DLG2: variants seen among roughly 807,000 people sequenced by gnomAD.
DLG2 encodes the protein discs large MAGUK scaffold protein 2, also known as disks large homolog 2.
A neutral mutation model predicts 132.5 loss-of-function variants in DLG2; 45 were observed. The observed-to-expected ratio is 0.34, with a 90% CI of 0.27 to 0.44. The LOEUF is 0.44. Among genes scored for constraint, DLG2 ranks in the 20% least tolerant of loss-of-function variants. The pLI, the probability that DLG2 is intolerant of heterozygous loss-of-function variation, is 1.00. For missense variants in DLG2, 1,045 were observed against 1,196.9 expected, an observed-to-expected ratio of 0.87 and a Z score of 1.87; for synonymous variants, 424 against 419.6, an observed-to-expected ratio of 1.01 and a Z score of -0.13.
intron 17 of DLG2, among the ~76,000 whole-genome samples, chr11:83,831,540 G>C (rs1414061941): frequency 1.3e-5 from 2 of 152,116 alleles, no homozygotes; most frequent in Non-Finnish European, 2.9e-5. Context: ...GTCAGAGAGA[G>C]AGAGAGAGAG....
At chr11:84,824,189 C>A (rs2078051859) in intron 6 of DLG2, among the ~76,000 whole-genome samples, 1 of 151,884 alleles carries the variant, frequency 6.6e-6, no homozygotes. Flanking sequence ...GCAAGAGAAA[C>A]ACTAACTTCA....
intron 8 of DLG2, among the ~76,000 whole-genome samples, chr11:84,189,891 G>T (rs1377242892): frequency 6.6e-6 from 1 of 151,968 alleles, no homozygotes; most frequent in Non-Finnish European, 1.5e-5. Context: ...ATACCTAGGT[G>T]ATGGGATGAT....
intron 6 of DLG2, among the ~76,000 whole-genome samples, chr11:84,903,343 A>G (rs1028564775): frequency 6.6e-6 from 1 of 152,176 alleles, no homozygotes; most frequent in African/African-American, 2.4e-5. Flanking sequence ...TAACTAACAG[A>G]TATCTCCTAC....
intron 3 of DLG2, among the ~76,000 whole-genome samples, chr11:85,562,622 A>G (rs554361418): frequency 6.6e-6 from 1 of 151,760 alleles, no homozygotes; most frequent in African/African-American, 2.4e-5. Context: ...ACAGTCTAGT[A>G]TTCTATTGTT....
chr11:84,224,700 T>C (rs1487482253), intron 8 of DLG2, among the ~76,000 whole-genome samples: 2 of 152,214 alleles, frequency 1.3e-5, no homozygotes, highest in Admixed American at 6.5e-5. Flanking sequence ...CCCTGCAGTT[T>C]GGCTTGAGTC....
chr11:84,273,145 C>A, intron 7 of DLG2: 1 of 1,507,408 alleles, frequency 6.6e-7, no homozygotes, highest in South Asian at 1.3e-5. Flanking sequence ...AGAAAATTTT[C>A]CTTACCGGAA....
chr11:84,752,439 G>C (rs923142530), intron 6 of DLG2, among the ~76,000 whole-genome samples: 2 of 152,104 alleles, frequency 1.3e-5, no homozygotes, highest in African/African-American at 2.4e-5. Context: ...TGTAAGAAGA[G>C]AGAGTAGAAG....
intron 6 of DLG2, among the ~76,000 whole-genome samples, chr11:84,591,825 T>C (rs766228568): frequency 1.3e-5 from 2 of 152,026 alleles, no homozygotes; most frequent in Non-Finnish European, 2.9e-5. Flanking sequence ...TCTGTGGGGG[T>C]AGGACCCAAG....
intron 6 of DLG2, among the ~76,000 whole-genome samples, chr11:85,109,993 T>G (rs1179180019): frequency 6.6e-6 from 1 of 151,892 alleles, no homozygotes; most frequent in African/African-American, 2.4e-5. Context: ...ATATAGGAGA[T>G]TCACATATTG....
chr11:84,540,611 A>G (rs2099366244), intron 6 of DLG2, among the ~76,000 whole-genome samples: 1 of 152,180 alleles, frequency 6.6e-6, no homozygotes, highest in African/African-American at 2.4e-5. Flanking sequence ...AACTACTTCC[A>G]CCATTGTGGA....
chr11:85,566,667 T>A (rs2077542939), intron 3 of DLG2, among the ~76,000 whole-genome samples: 2 of 152,016 alleles, frequency 1.3e-5, no homozygotes, highest in Non-Finnish European at 2.9e-5. Flanking sequence ...CCTAATTAAC[T>A]CTCACAGGCC....
intron 7 of DLG2, among the ~76,000 whole-genome samples, chr11:84,479,403 A>G (rs923744979): frequency 1.3e-5 from 2 of 152,040 alleles, no homozygotes; most frequent in Non-Finnish European, 2.9e-5. Context: ...CCTTTATTCC[A>G]TCTTACTCTT....
chr11:85,232,524 G>A (rs911391151), intron 4 of DLG2, among the ~76,000 whole-genome samples: 6 of 151,770 alleles, frequency 4.0e-5, no homozygotes, highest in Non-Finnish European at 5.9e-5. Flanking sequence ...TTACCTCTTC[G>A]AAGCAAATGA....
chr11:84,297,516 A>C (rs2098107255), intron 7 of DLG2, among the ~76,000 whole-genome samples: 1 of 152,150 alleles, frequency 6.6e-6, no homozygotes, highest in Non-Finnish European at 1.5e-5. Flanking sequence ...CAGTCTCTAC[A>C]ATAGATCCCC....
At chr11:83,860,748 T>C (rs1330424556) in intron 16 of DLG2, among the ~76,000 whole-genome samples, 1 of 152,198 alleles carries the variant, frequency 6.6e-6, no homozygotes, top group East Asian at 1.9e-4. Flanking sequence ...TGGAATAATA[T>C]GGCTTCACTG....
rs191760066 is a variant in DLG2 at position 85,567,121 on chromosome 11, G to A, written c.40+31536C>T. Among the ~76,000 whole-genome samples, 398 of 152,174 alleles carry A rather than the reference G, an allele frequency of 2.6e-3. 1 individual carries two copies. The highest frequency in any genetic ancestry group is 9.0e-3 in the African/African-American group (373 of 41,536). The stretch of plus-strand genomic sequence containing the variant: ...TGGGAAGTGTGAGTGCTCCAAATTC[G>A]TTCTTTCTTTTCAAGATTGTATTAG... On this transcript the variant is annotated intron_variant, in intron 3 of 27. Coordinates refer to ENST00000376104, the MANE Select transcript of DLG2 (RefSeq NM_001142699.3).
At position 84,195,067 on chromosome 11, in the gene DLG2, C is replaced by T. The variant is rs917008315; in HGVS notation, c.574-31556G>A. ...GTGGCGGGCTGAAGGGCTCCTCAAG[C>T]GTGGCCAGAATGGATGCTGTGGCCT... On this transcript the variant is annotated intron_variant, in intron 8 of 27. Coordinates refer to ENST00000376104, the MANE Select transcript of DLG2 (RefSeq NM_001142699.3). 2.6e-5 allele frequency among the ~76,000 whole-genome samples: 4 copies of T among 152,324 alleles called. No individual in the cohort carries two copies. In the East Asian group the frequency reaches 5.8e-4, roughly 22 times the overall value.
At chr11:84,943,167 CGTGTGTGTGTGTGTGT>C (rs201404405) in intron 6 of DLG2, among the ~76,000 whole-genome samples, 1 of 137,882 alleles carries the variant, frequency 7.3e-6, no homozygotes, top group East Asian at 2.1e-4. Context: ...TGTGTGTGTG[CGTGTGTGTGTGTGTGT>C]GTGTGTGTGT....
chr11:84,824,655 A>G (rs2078109300), intron 6 of DLG2, among the ~76,000 whole-genome samples: 2 of 151,898 alleles, frequency 1.3e-5, no homozygotes, highest in Non-Finnish European at 2.9e-5. Flanking sequence ...TTTGTATGGA[A>G]AAACTGAGGC....
Sources: allele counts gnomAD v4.1 joint callset (sites outside exome capture counted in the v4.1 genomes callset), GRCh38; gene constraint gnomAD v4.1.1; transcripts MANE v1.5; gene names NCBI Gene and HGNC (gene_info 2026-07-23, HGNC 2026-07-21).